Variants in AGMO observed in about 807,000 individuals in gnomAD.
AGMO encodes glyceryl-ether monooxygenase.
Under a neutral mutation model 60.2 loss-of-function variants are expected in AGMO, and 75 were observed. The observed-to-expected ratio is 1.25, with a 90% confidence interval of 1.03 to 1.51. The LOEUF (loss-of-function observed/expected upper bound fraction) is 1.51, where lower values mean the gene tolerates loss of function less well. Among genes scored for constraint, AGMO ranks in the 40% most tolerant of loss-of-function variants. AGMO has a pLI of 0.00. For synonymous variants in AGMO, 261 were observed against 177.1 expected (o/e 1.47, Z -3.76); for missense variants, 763 against 525.5 (o/e 1.45, Z -4.42).
intron 3 of AGMO, among the ~76,000 whole-genome samples, chr7:15,469,837 G>T (rs1425280037): frequency 6.6e-6 from 1 of 152,064 alleles, no homozygotes; most frequent in Non-Finnish European, 1.5e-5. Flanking sequence ...GCCACAGTTG[G>T]AAATATGATT....
intron 3 of AGMO, among the ~76,000 whole-genome samples, chr7:15,461,619 C>G (rs915001902): frequency 5.3e-5 from 8 of 152,226 alleles, no homozygotes; most frequent in Middle Eastern, 3.4e-3. Context: ...GACACCCGAT[C>G]TGCTGGTCTC....
At chr7:15,244,869 G>A (rs377085121) in intron 12 of AGMO, among the ~76,000 whole-genome samples, 2 of 152,176 alleles carry the variant, frequency 1.3e-5, no homozygotes, top group South Asian at 4.1e-4. Flanking sequence ...ACTCAGGATG[G>A]TCTCGATCTC....
chr7:15,504,716 G>C (rs1045402447), intron 3 of AGMO, among the ~76,000 whole-genome samples: 1 of 150,124 alleles, frequency 6.7e-6, no homozygotes, highest in East Asian at 2.0e-4. Flanking sequence ...TTGGATACAA[G>C]TTTATCCAGA....
chr7:15,299,133 C>T (rs1784484858), intron 12 of AGMO, among the ~76,000 whole-genome samples: 1 of 152,116 alleles, frequency 6.6e-6, no homozygotes, highest in Non-Finnish European at 1.5e-5. Flanking sequence ...TTAGCTAGAA[C>T]TAAAATTCAA....
chr7:15,235,006 C>T (rs2128500611), intron 12 of AGMO, among the ~76,000 whole-genome samples: 1 of 152,200 alleles, frequency 6.6e-6, no homozygotes, highest in Non-Finnish European at 1.5e-5. Context: ...TGCTAAGATA[C>T]TTGCAGTTCT....
At chr7:15,344,187 T>C (rs1002970421) in intron 12 of AGMO, among the ~76,000 whole-genome samples, 11 of 152,140 alleles carry the variant, frequency 7.2e-5, no homozygotes, top group Non-Finnish European at 1.2e-4. Context: ...GTATGGCACA[T>C]AGAAGGCACT....
At chr7:15,223,711 C>T (rs1381493865) in intron 12 of AGMO, among the ~76,000 whole-genome samples, 1 of 151,968 alleles carries the variant, frequency 6.6e-6, no homozygotes, top group Non-Finnish European at 1.5e-5. Flanking sequence ...AATGCATAGT[C>T]TCTGAAGTAC....
At chr7:15,278,274 G>A (rs1458329533) in intron 12 of AGMO, among the ~76,000 whole-genome samples, 1 of 152,114 alleles carries the variant, frequency 6.6e-6, no homozygotes, top group Non-Finnish European at 1.5e-5. Context: ...ACATGTGGGT[G>A]GGCATTAGCT....
At chr7:15,165,480 C>T in the AGMO span, among the ~76,000 whole-genome samples, 157 of 152,270 alleles carry the variant, frequency 1.0e-3, no homozygotes, top group Admixed American at 1.8e-3. Flanking sequence ...AACTACACTT[C>T]AATAGAGTCT....
At chr7:15,416,114 A>C (rs904011429) in intron 5 of AGMO, among the ~76,000 whole-genome samples, 1 of 150,402 alleles carries the variant, frequency 6.6e-6, no homozygotes, top group African/African-American at 2.4e-5. Context: ...GCTCACTGCA[A>C]GCTCCGCCTC....
chr7:15,537,951 T>G (rs984993493), intron 3 of AGMO, among the ~76,000 whole-genome samples: 11 of 152,046 alleles, frequency 7.2e-5, no homozygotes, highest in African/African-American at 2.7e-4. Flanking sequence ...TGTTTAACAT[T>G]TGACGTGGGA....
chr7:15,338,703 T>G (rs1466051872), intron 12 of AGMO, among the ~76,000 whole-genome samples: 1 of 152,172 alleles, frequency 6.6e-6, no homozygotes, highest in African/African-American at 2.4e-5. Flanking sequence ...TAGTTGAATT[T>G]ACTCCCAAAA....
the AGMO span, among the ~76,000 whole-genome samples, chr7:15,148,272 A>T: frequency 6.6e-6 from 1 of 152,018 alleles, no homozygotes; most frequent in African/African-American, 2.4e-5. Flanking sequence ...TTTTGCTCTT[A>T]TTCTTCAAAG....
chr7:15,204,846 T>C (rs958607861), intron 12 of AGMO, among the ~76,000 whole-genome samples: 1 of 152,046 alleles, frequency 6.6e-6, no homozygotes, highest in Non-Finnish European at 1.5e-5. Flanking sequence ...CTCTCAGTTA[T>C]GTGTGTGTGT....
intron 12 of AGMO, among the ~76,000 whole-genome samples, chr7:15,237,978 AAGCCTAACTTTGATTAGTCCCACATC>A (rs1782478386): frequency 6.6e-6 from 1 of 152,106 alleles, no homozygotes; most frequent in South Asian, 2.1e-4. Context: ...GGGAAGGTAG[AAGCCTAACTTTGATTAGTCCCACATC>A]AGCAAACATA....
At chr7:15,223,831 T>C (rs1781993628) in intron 12 of AGMO, among the ~76,000 whole-genome samples, 1 of 151,328 alleles carries the variant, frequency 6.6e-6, no homozygotes, top group Non-Finnish European at 1.5e-5. Flanking sequence ...TCTTGATCTA[T>C]ACAATTAATT....
intron 10 of AGMO, among the ~76,000 whole-genome samples, chr7:15,374,473 A>G (rs1178870480): frequency 6.6e-6 from 1 of 152,126 alleles, no homozygotes; most frequent in Non-Finnish European, 1.5e-5. Context: ...ATTACATTGT[A>G]TTTTATAAAT....
intron 6 of AGMO, among the ~76,000 whole-genome samples, chr7:15,391,351 G>C (rs914733720): frequency 6.7e-6 from 1 of 149,186 alleles, no homozygotes; most frequent in Non-Finnish European, 1.5e-5. Context: ...AAATTTTCTA[G>C]AGTTAGACCT....
At chr7:15,427,450 T>G (rs1252987257) in intron 4 of AGMO, among the ~76,000 whole-genome samples, 1 of 152,162 alleles carries the variant, frequency 6.6e-6, no homozygotes, top group Non-Finnish European at 1.5e-5. Flanking sequence ...AATTCCACAC[T>G]TTATTTAGAA....
Sources: allele counts gnomAD v4.1 joint callset (sites outside exome capture counted in the v4.1 genomes callset), GRCh38; gene constraint gnomAD v4.1.1; transcripts MANE v1.5; gene names NCBI Gene and HGNC (gene_info 2026-07-23, HGNC 2026-07-21).